Variants in SGIP1 observed in about 807,000 individuals in gnomAD.
SGIP1 encodes SH3GL interacting endocytic adaptor 1.
A neutral mutation model predicts 107.5 loss-of-function variants in SGIP1; 38 were observed. The observed-to-expected ratio is 0.35, with a 90% CI of 0.27 to 0.46. SGIP1 has a LOEUF of 0.46. Ranked by LOEUF, SGIP1 falls within the 20% of genes least tolerant of loss-of-function variation. The pLI is 1.00. For synonymous variants in SGIP1, 365 were observed against 366.1 expected, an observed-to-expected ratio of 1.00 and a Z score of 0.03; for missense variants, 929 against 1,019.5, an observed-to-expected ratio of 0.91 and a Z score of 1.21.
intron 12 of SGIP1, among the ~76,000 whole-genome samples, chr1:66,675,880 A>G (rs956438119): frequency 6.6e-6 from 1 of 152,044 alleles, no homozygotes; most frequent in Admixed American, 6.6e-5. Flanking sequence ...GGGAAAAAAT[A>G]TGTATTTTAG....
intron 20 of SGIP1, among the ~76,000 whole-genome samples, chr1:66,731,542 A>G (rs1424200653): frequency 6.6e-6 from 1 of 152,200 alleles, no homozygotes; most frequent in Non-Finnish European, 1.5e-5. Context: ...AGTAAAAAAA[A>G]AAGAAATAAA....
rs1401321525 is a variant in SGIP1 at position 66,629,957 on chromosome 1, T to C, written c.75-3113T>C. On this transcript the variant is annotated intron_variant, in intron 2 of 24. Transcript: ENST00000371037. The stretch of plus-strand genomic sequence containing the variant: ...GGGATATATGCTGTTATGATGGCTA[T>C]TTTATAGATGAAGAAACTGAGAAAC... Among the ~76,000 whole-genome samples, 4 of 152,350 alleles carry C rather than the reference T, an allele frequency of 2.6e-5. No homozygotes were observed. In the East Asian group the frequency reaches 7.7e-4, roughly 29 times the overall value.
intron 18 of SGIP1, among the ~76,000 whole-genome samples, chr1:66,710,479 G>T: frequency 6.6e-6 from 1 of 152,060 alleles, no homozygotes; most frequent in East Asian, 1.9e-4. Flanking sequence ...GTTCACTATT[G>T]GTCACCTTGC....
chr1:66,646,020 C>T (rs2077592351), intron 7 of SGIP1, among the ~76,000 whole-genome samples: 1 of 151,982 alleles, frequency 6.6e-6, no homozygotes, highest in Non-Finnish European at 1.5e-5. Context: ...TTGGTATTTT[C>T]AGTAGAGACA....
intron 10 of SGIP1, 145 bp from the exon 11 acceptor site, chr1:66,671,799 G>A: frequency 1.4e-6 from 1 of 691,090 alleles, no homozygotes; most frequent in Non-Finnish European, 2.5e-6. Flanking sequence ...GCATTGCCAG[G>A]GGAGAAGGTT....
intron 17 of SGIP1, chr1:66,694,301 C>T (rs1032595079): frequency 7.8e-6 from 5 of 637,738 alleles, no homozygotes; most frequent in African/African-American, 3.8e-5. Context: ...AATCATAATT[C>T]CAGTGTTTTC....
intron 7 of SGIP1, among the ~76,000 whole-genome samples, chr1:66,659,591 C>T (rs1487576780): frequency 6.6e-6 from 1 of 152,076 alleles, no homozygotes; most frequent in East Asian, 1.9e-4. Flanking sequence ...AGCCACAGAT[C>T]TGTTTGATAA....
rs202205354 is a variant in SGIP1 at position 66,643,580 on chromosome 1, C to T, written c.320C>T (p.Ser107Leu). 4 of 1,608,670 alleles carry T rather than the reference C, an allele frequency of 2.5e-6. No homozygotes were observed. The highest frequency in any genetic ancestry group is 2.3e-5 in the East Asian group (1 of 44,426). ...AAGCACTTTTATTCTTCAAGTGAAT[C>T]GGAAGAAGAAGAAGAATCACATAAG... ...KGKHFYSSSESEEEEESHKKF... is the reference protein window; with the variant it reads ...KGKHFYSSSELEEEEESHKKF... Residue 107 changes from serine (S) to leucine (L), a missense_variant, in exon 7 of 25, where the codon TCG (serine) becomes TTG (leucine). By Grantham distance (145) the Ser-to-Leu change is moderately radical. Around this residue, in one of 2 missense-constraint regions of SGIP1, gnomAD observed 588 missense variants for 588.6 expected, o/e 1.00. Coordinates refer to ENST00000371037, the MANE Select transcript of SGIP1 (RefSeq NM_032291.4).
intron 1 of SGIP1, among the ~76,000 whole-genome samples, chr1:66,557,016 G>A (rs1175360840): frequency 6.6e-6 from 1 of 152,058 alleles, no homozygotes; most frequent in East Asian, 1.9e-4. Context: ...TTTGTACAAT[G>A]CGCTTTAGGA....
chr1:66,608,938 G>T (rs1453389750), intron 1 of SGIP1, among the ~76,000 whole-genome samples: 1 of 144,098 alleles, frequency 6.9e-6, no homozygotes, highest in Non-Finnish European at 1.5e-5. Flanking sequence ...TTTAGTCGAG[G>T]TTTTTTTTCT....
At chr1:66,581,042 T>C (rs1022055625) in intron 1 of SGIP1, among the ~76,000 whole-genome samples, 2 of 152,074 alleles carry the variant, frequency 1.3e-5, no homozygotes, top group African/African-American at 4.8e-5. Context: ...TATGGAAAAT[T>C]TGGGGAAATT....
At chr1:66,701,464 G>A (rs1376113696) in intron 18 of SGIP1, among the ~76,000 whole-genome samples, 3 of 152,094 alleles carry the variant, frequency 2.0e-5, no homozygotes, top group African/African-American at 4.8e-5. Flanking sequence ...TTAAAACCAC[G>A]CTCCTTAGCT....
chr1:66,634,249 C>A, intron 3 of SGIP1: 1 of 979,284 alleles, frequency 1.0e-6, no homozygotes, highest in South Asian at 1.4e-5. Flanking sequence ...TTGCAAAGCT[C>A]TGTTAGCTAC....
chr1:66,708,077 A>G (rs1853772), intron 18 of SGIP1, among the ~76,000 whole-genome samples: 18,562 of 152,146 alleles, frequency 0.12, 1,865 homozygotes, highest in East Asian at 0.51. Flanking sequence ...AGGGGCAAAC[A>G]TCTTTAACAC....
intron 4 of SGIP1, among the ~76,000 whole-genome samples, chr1:66,636,234 C>G (rs2075751775): frequency 6.6e-6 from 1 of 152,128 alleles, no homozygotes; most frequent in Admixed American, 6.5e-5. Flanking sequence ...AAAGAGTGAT[C>G]ACACATAAAA....
chr1:66,741,167 A>G, intron 23 of SGIP1, 105 bp from the exon 24 acceptor site: 1 of 1,220,068 alleles, frequency 8.2e-7, no homozygotes, highest in East Asian at 2.5e-5. Context: ...CATTTTGTCA[A>G]AGAATCATGT....
At chr1:66,684,507 C>G (rs760458754) in intron 15 of SGIP1, among the ~76,000 whole-genome samples, 2 of 152,190 alleles carry the variant, frequency 1.3e-5, no homozygotes, top group Non-Finnish European at 2.9e-5. Flanking sequence ...AGACATTACT[C>G]GTCCGTTATA....
At chr1:66,670,494 C>A (rs186730399) in intron 9 of SGIP1, among the ~76,000 whole-genome samples, 2 of 152,308 alleles carry the variant, frequency 1.3e-5, no homozygotes, top group East Asian at 3.9e-4. Flanking sequence ...GCAGATAGTT[C>A]AAGTTTCCCC....
rs555148256 is a variant in SGIP1 at position 66,751,128 on chromosome 1, A to G, written c.*8033A>G. ...AATGAAAAATATGAAAATAAATTGA[A>G]TTGTGAATATCTTTTGCTGTCAGCC... On this transcript the variant is annotated 3_prime_UTR_variant, in exon 25 of 25. Coordinates refer to ENST00000371037, the MANE Select transcript of SGIP1 (RefSeq NM_032291.4). Among the ~76,000 whole-genome samples, 4 of 152,308 alleles carry G rather than the reference A, an allele frequency of 2.6e-5. No individual in the cohort carries two copies. The highest frequency in any genetic ancestry group is 5.9e-5 in the Non-Finnish European group (4 of 68,018).
Sources: allele counts gnomAD v4.1 joint callset (sites outside exome capture counted in the v4.1 genomes callset), GRCh38; gene constraint gnomAD v4.1.1; regional missense constraint gnomAD v4.1.1; transcripts MANE v1.5; gene names NCBI Gene and HGNC (gene_info 2026-07-23, HGNC 2026-07-21).